Variants in PRDM5 observed in about 807,000 individuals in gnomAD.
The protein encoded by PRDM5 is PR domain zinc finger protein 5.
Under a neutral mutation model 81.2 loss-of-function variants are expected in PRDM5, and 56 were observed. The observed-to-expected ratio is 0.69, with a 90% CI of 0.56 to 0.86. The LOEUF is 0.86. PRDM5 is among the 40% of genes least tolerant of loss of function. PRDM5 has a pLI of 0.00. For missense variants in PRDM5, 697 were observed against 770.1 expected (o/e 0.91, Z 1.12); for synonymous variants, 267 against 256.4 (o/e 1.04, Z -0.39).
At position 120,907,546 on chromosome 4, in the gene PRDM5, G is replaced by C; in HGVS notation, c.105C>G (p.Phe35Leu). Reference sequence around the variant, plus strand: ...TTCTCTTCTCTCCAGCAAAGGGTCCGAACTTTTCACCCTGAGTAGCAATGA... The same window carrying C: ...TTCTCTTCTCTCCAGCAAAGGGTCCCAACTTTTCACCCTGAGTAGCAATGA... ...TARRVRKGEK[F>L]GPFAGEKRMP... The change falls in exon 2 of 16, where the codon TTC becomes TTG. Residue 35 changes from phenylalanine (F) to leucine (L), a missense_variant. By Grantham distance (22) the Phe-to-Leu change is conservative. Coordinates refer to ENST00000264808, the MANE Select transcript of PRDM5 (RefSeq NM_018699.4). The C allele has an allele frequency of 6.2e-7, 1 of 1,610,764 alleles. No homozygotes were observed. Among genetic ancestry groups the C allele is most frequent in the Non-Finnish European group, 8.5e-7 (1 of 1,177,110 alleles).
At chr4:120,816,694 C>CGTA in intron 6 of PRDM5, 120 bp from the exon 7 acceptor site, 1 of 1,513,902 alleles carries the variant, frequency 6.6e-7, no homozygotes, top group Non-Finnish European at 9.2e-7. Flanking sequence ...TCATTCCATG[C>CGTA]ATTACCTATG....
intron 2 of PRDM5, among the ~76,000 whole-genome samples, chr4:120,893,743 T>G (rs1764314501): frequency 6.6e-6 from 1 of 152,268 alleles, no homozygotes; most frequent in South Asian, 2.1e-4. Context: ...ATTTTAGTTT[T>G]CGCATTCACA....
At chr4:120,882,379 C>G (rs1020916419) in intron 2 of PRDM5, among the ~76,000 whole-genome samples, 3 of 152,148 alleles carry the variant, frequency 2.0e-5, no homozygotes, top group African/African-American at 7.2e-5. Context: ...AACTCCTGAC[C>G]TCAGGTGATG....
At chr4:120,854,202 G>A (rs920883586) in intron 2 of PRDM5, among the ~76,000 whole-genome samples, 5 of 152,178 alleles carry the variant, frequency 3.3e-5, no homozygotes, top group Non-Finnish European at 1.5e-5. Flanking sequence ...CTGGAGAGAG[G>A]AGGGGAGTAA....
At chr4:120,916,322 G>T (rs989209436) in intron 1 of PRDM5, among the ~76,000 whole-genome samples, 1 of 152,064 alleles carries the variant, frequency 6.6e-6, no homozygotes, top group South Asian at 2.1e-4. Context: ...GGGAGGCAAA[G>T]GTTGCAGTGA....
chr4:120,741,393 GTC>G (rs1211558767), intron 14 of PRDM5, among the ~76,000 whole-genome samples: 1 of 151,698 alleles, frequency 6.6e-6, no homozygotes, highest in East Asian at 2.0e-4. Flanking sequence ...TGATGTATTG[GTC>G]AAAATTTTTG....
chr4:120,772,514 C>T (rs1219989843), intron 13 of PRDM5, among the ~76,000 whole-genome samples: 2 of 152,194 alleles, frequency 1.3e-5, no homozygotes, highest in Non-Finnish European at 2.9e-5. Context: ...ATTAACGTTG[C>T]AGCGGCGGCA....
At chr4:120,867,442 T>TA (rs1460362199) in intron 2 of PRDM5, among the ~76,000 whole-genome samples, 2 of 152,008 alleles carry the variant, frequency 1.3e-5, no homozygotes, top group African/African-American at 4.8e-5. Context: ...AAATTATATA[T>TA]TTTTTTCATT....
chr4:120,892,757 C>T (rs1027316098), intron 2 of PRDM5, among the ~76,000 whole-genome samples: 2 of 152,168 alleles, frequency 1.3e-5, no homozygotes, highest in African/African-American at 4.8e-5. Flanking sequence ...GAAGGTTGTG[C>T]CTGCCAGCTA....
At chr4:120,767,512 C>T (rs1045162411) in intron 13 of PRDM5, among the ~76,000 whole-genome samples, 4 of 152,154 alleles carry the variant, frequency 2.6e-5, no homozygotes, top group Non-Finnish European at 5.9e-5. Flanking sequence ...GTTAAACTGA[C>T]ACCTTCAGGC....
chr4:120,757,498 T>A (rs999450751), intron 13 of PRDM5, among the ~76,000 whole-genome samples: 1 of 151,838 alleles, frequency 6.6e-6, no homozygotes, highest in Admixed American at 6.6e-5. Flanking sequence ...CTTGACTAGG[T>A]TAAGGGATGT....
At chr4:120,775,463 G>A (rs1232822382) in intron 13 of PRDM5, among the ~76,000 whole-genome samples, 1 of 152,010 alleles carries the variant, frequency 6.6e-6, no homozygotes, top group Non-Finnish European at 1.5e-5. Context: ...GAATTATTTT[G>A]AATAATCAAG....
intron 14 of PRDM5, among the ~76,000 whole-genome samples, chr4:120,747,791 G>T (rs1323032192): frequency 6.6e-6 from 1 of 152,194 alleles, no homozygotes; most frequent in East Asian, 1.9e-4. Flanking sequence ...AACTAATTTG[G>T]CTGTTTCTGC....
At chr4:120,902,912 G>T (rs994158931) in intron 2 of PRDM5, among the ~76,000 whole-genome samples, 20 of 152,090 alleles carry the variant, frequency 1.3e-4, no homozygotes, top group African/African-American at 4.6e-4. Context: ...TTCATACCCT[G>T]TCCCAAGCTC....
At chr4:120,809,141 G>A (rs1753461117) in intron 8 of PRDM5, among the ~76,000 whole-genome samples, 1 of 152,058 alleles carries the variant, frequency 6.6e-6, no homozygotes, top group South Asian at 2.1e-4. Context: ...ATTATCGCAA[G>A]GACAAAAAGC....
chr4:120,856,562 T>G (rs1310461029), intron 2 of PRDM5, among the ~76,000 whole-genome samples: 2 of 151,434 alleles, frequency 1.3e-5, no homozygotes, highest in Non-Finnish European at 2.9e-5. Context: ...ACGACTTTTA[T>G]CTCACTACCC....
chr4:120,842,711 A>C (rs1469388100), intron 3 of PRDM5, among the ~76,000 whole-genome samples: 1 of 152,256 alleles, frequency 6.6e-6, no homozygotes, highest in African/African-American at 2.4e-5. Flanking sequence ...ACTATAATTT[A>C]ATCTAAATAT....
In PRDM5 at chr4:120,695,140, C is replaced by T. The variant is rs1734371090; in HGVS notation, c.1864G>A (p.Asp622Asn). Residue 622 changes from aspartate (D) to asparagine (N), a missense_variant, in exon 16 of 16, where the codon GAC (aspartate) becomes AAC (asparagine). This residue lies in a region of PRDM5 where 34 missense variants were observed against 28.1 expected (regional missense o/e 1.21). Coordinates refer to ENST00000264808, the MANE Select transcript of PRDM5 (RefSeq NM_018699.4). ...CTGTCAGCTACACCATGGATATTGTCCATGTGCACTTTGAGGTAGTCATTC... is the reference window on the plus strand; with the variant it reads ...CTGTCAGCTACACCATGGATATTGTTCATGTGCACTTTGAGGTAGTCATTC... ...TRNDYLKVHM[D>N]NIHGVADS 1.2e-6 allele frequency: 2 copies of T among 1,613,296 alleles called. No homozygotes were observed. Among genetic ancestry groups the T allele is most frequent in the East Asian group, 2.2e-5 (1 of 44,848 alleles).
At chr4:120,802,196 T>C (rs1439557739) in intron 8 of PRDM5, among the ~76,000 whole-genome samples, 5 of 152,224 alleles carry the variant, frequency 3.3e-5, no homozygotes, top group African/African-American at 9.6e-5. Flanking sequence ...CATTTGTGCA[T>C]TGACTATCTC....
Sources: gnomAD v4.1 joint callset for allele counts (sites outside exome capture counted in the v4.1 genomes callset) on GRCh38, gnomAD v4.1.1 for gene constraint, gnomAD v4.1.1 regional missense constraint, MANE v1.5 for transcripts, NCBI Gene and HGNC (gene_info 2026-07-23, HGNC 2026-07-21) for gene names.